ECPAS: variants seen among roughly 807,000 people sequenced by gnomAD.
ECPAS encodes the protein proteasome adapter and scaffold protein ECM29.
ECPAS carries 70 observed loss-of-function variants against 255.1 expected under a neutral mutation model. That is an observed-to-expected ratio of 0.27 (90% CI 0.23 to 0.33). The LOEUF (loss-of-function observed/expected upper bound fraction) is 0.33, where lower values mean the gene tolerates loss of function less well. Ranked by LOEUF, ECPAS falls within the 10% of genes least tolerant of loss-of-function variation. The pLI, the probability that ECPAS is intolerant of heterozygous loss-of-function variation, is 1.00. For missense variants in ECPAS, 1,817 were observed against 2,206.4 expected, an observed-to-expected ratio of 0.82 and a Z score of 3.54; for synonymous variants, 784 against 775.0, an observed-to-expected ratio of 1.01 and a Z score of -0.19.
intron 23 of ECPAS, 131 bp from the exon 24 acceptor site, chr9:111,408,803 G>C: frequency 2.0e-6 from 1 of 489,902 alleles, no homozygotes; most frequent in East Asian, 3.3e-5. Context: ...TTTTACAAAA[G>C]CATCAAATTT....
chr9:111,466,468 C>G (rs1447100229), intron 2 of ECPAS, among the ~76,000 whole-genome samples: 1 of 151,070 alleles, frequency 6.6e-6, no homozygotes, highest in Non-Finnish European at 1.5e-5. Context: ...AAAGAAAGAA[C>G]AAAAAGAACA....
intron 4 of ECPAS, among the ~76,000 whole-genome samples, chr9:111,442,885 C>T (rs1242347630): frequency 2.6e-5 from 4 of 152,194 alleles, no homozygotes; most frequent in Non-Finnish European, 5.9e-5. Context: ...TGGTTCCTCA[C>T]TCCAGTAACT....
intron 2 of ECPAS, among the ~76,000 whole-genome samples, chr9:111,471,101 T>C (rs887481831): frequency 6.6e-6 from 1 of 152,224 alleles, no homozygotes; most frequent in Non-Finnish European, 1.5e-5. Flanking sequence ...CTTAGAACAA[T>C]GCTCATATGG....
intron 3 of ECPAS, among the ~76,000 whole-genome samples, chr9:111,445,073 G>GC (rs1233817927): frequency 7.2e-6 from 1 of 138,042 alleles, no homozygotes; most frequent in East Asian, 2.3e-4. Flanking sequence ...TCAGCTCACC[G>GC]CAACTTCTGC....
At position 111,371,659 on chromosome 9, in the gene ECPAS, A is replaced by G. The variant is rs1022760773; in HGVS notation, c.4699T>C (p.Leu1567=). The G allele has an allele frequency of 6.2e-7, 1 of 1,613,870 alleles. No individual in the cohort carries two copies. Among genetic ancestry groups the G allele is most frequent in the African/African-American group, 1.3e-5 (1 of 75,024 alleles). Residue 1567 remains leucine (L), a synonymous_variant, in exon 43 of 50, where the codon TTG becomes CTG. Transcript: ENST00000684092. ...PPYLGMILTA[L]LQGLAGRTWA... is the part of the protein sequence containing the mutation. ...GTTCTTCCAGCCAGGCCTTGCAGCA[A>G]TGCGGTCAGTATCATTCCGAGATAT...
At chr9:111,481,635 G>A (rs1031691433) in intron 1 of ECPAS, among the ~76,000 whole-genome samples, 3 of 152,170 alleles carry the variant, frequency 2.0e-5, no homozygotes, top group Admixed American at 2.0e-4. Context: ...GTCTCAAAGG[G>A]GTATCTGTAC....
At chr9:111,423,175 C>G (rs368441443) in intron 13 of ECPAS, 24 bp downstream of exon 13, 1 of 1,512,336 alleles carries the variant, frequency 6.6e-7, no homozygotes, top group Non-Finnish European at 9.0e-7. Flanking sequence ...CACCATATCT[C>G]TCACTAAAAA....
chr9:111,433,701 C>T (rs1047945504), intron 7 of ECPAS, among the ~76,000 whole-genome samples: 1 of 152,196 alleles, frequency 6.6e-6, no homozygotes, highest in Non-Finnish European at 1.5e-5. Flanking sequence ...TTATGATACA[C>T]AGCCTCCCTA....
chr9:111,413,199 C>T (rs1564527709), intron 20 of ECPAS, among the ~76,000 whole-genome samples: 1 of 152,150 alleles, frequency 6.6e-6, no homozygotes, highest in Non-Finnish European at 1.5e-5. Context: ...AAAACATATA[C>T]TTCCTCAATA....
chr9:111,392,741 A>T, intron 28 of ECPAS, 27 bp downstream of exon 28: 1 of 1,477,012 alleles, frequency 6.8e-7, no homozygotes, highest in Non-Finnish European at 9.4e-7. Flanking sequence ...TATGGGCTTG[A>T]ATCTAAAATT....
In ECPAS at chr9:111,484,334, T is replaced by G; in HGVS notation, c.-301A>C. 6.2e-7 allele frequency: 1 copy of G among 1,604,740 alleles called. No homozygotes were observed. Reference sequence around the variant, plus strand: ...CGAGGTCTGCGGCTGTCACGTTGGCTGGGCCCGACCTGGGGAAACACGCCT... The same window carrying G: ...CGAGGTCTGCGGCTGTCACGTTGGCGGGGCCCGACCTGGGGAAACACGCCT... On this transcript the variant is annotated 5_prime_UTR_variant, in exon 1 of 50. Transcript: ENST00000684092.
chr9:111,425,796 T>G lies in ECPAS; in HGVS notation c.1083A>C (p.Thr361=). 1 of 1,586,878 alleles carries G rather than the reference T, an allele frequency of 6.3e-7. No homozygotes were observed. The highest frequency in any genetic ancestry group is 8.6e-7 in the Non-Finnish European group (1 of 1,158,530). Residue 361 remains threonine (T), a synonymous_variant, in exon 11 of 50, where the codon ACA becomes ACC. Coordinates refer to ENST00000684092, the MANE Select transcript of ECPAS (RefSeq NM_001364929.1). ...GGGATAATGTTCTTAACTTTGAATT[T>G]GTATTTGTACCAAAAAGTCCATCAT... ...VVYDGLFGTN[T]NSKLRTLSLQ...
rs181893532 is a variant in ECPAS, at chr9:111,440,419, C to A, written c.492G>T (p.Val164=). The part of the protein sequence containing the change: ...PFNLAEKPKT[V]QLLLDFMLDV... ...CTAGCATGAAGTCCAAAAGCAGCTG[C>A]ACAGTCTTTGGTTTCTCAGCAAGAT... The change falls in exon 6 of 50, where the codon GTG becomes GTT. Residue 164 remains valine, a synonymous_variant. Transcript: ENST00000684092. 5.7e-4 allele frequency: 921 copies of A among 1,613,420 alleles called. 3 individuals are homozygous for A. Among genetic ancestry groups the A allele is most frequent in the South Asian group, 2.1e-3 (187 of 91,016 alleles).
chr9:111,404,530 C>A (rs1171721731), intron 24 of ECPAS, among the ~76,000 whole-genome samples: 1 of 148,946 alleles, frequency 6.7e-6, no homozygotes, highest in Non-Finnish European at 1.5e-5. Flanking sequence ...GGACTTCCCC[C>A]TTACTGTTCT....
chr9:111,375,287 G>A (rs2098132121), intron 37 of ECPAS, 85 bp from the exon 38 acceptor site: 4 of 911,670 alleles, frequency 4.4e-6, no homozygotes, highest in East Asian at 2.5e-5. Flanking sequence ...CTTGTCAAAC[G>A]TGTACCAACT....
At chr9:111,469,234 T>G (rs1014293923) in intron 2 of ECPAS, among the ~76,000 whole-genome samples, 6 of 151,774 alleles carry the variant, frequency 4.0e-5, no homozygotes, top group African/African-American at 1.5e-4. Flanking sequence ...CGAGACTCTG[T>G]CTCCAAAAAA....
intron 34 of ECPAS, among the ~76,000 whole-genome samples, chr9:111,384,069 C>T (rs1420541732): frequency 6.6e-6 from 1 of 152,030 alleles, no homozygotes; most frequent in African/African-American, 2.4e-5. Flanking sequence ...TATTTAAAAC[C>T]TGGTTTTACT....
At position 111,484,078 on chromosome 9, in the gene ECPAS, AGGGCCAGTCCCCCGCGGCCCG is replaced by A; in HGVS notation, c.-83+17_-83+37del. 1 of 1,185,124 alleles carries A rather than the reference AGGGCCAGTCCCCCGCGGCCCG, an allele frequency of 8.4e-7. No homozygotes were observed. Among genetic ancestry groups the A allele is most frequent in the Non-Finnish European group, 1.0e-6 (1 of 959,246 alleles). The allele number at this position is 1,185,124 out of a possible 1,614,324, so 73.4% of individuals were successfully genotyped here. A position where few individuals can be genotyped will look rare whatever the true frequency, so the allele number is the denominator to read the frequency against. On this transcript the variant is annotated intron_variant, in intron 1 of 49. Coordinates refer to ENST00000684092, the MANE Select transcript of ECPAS (RefSeq NM_001364929.1). ...GGCCTAACCGCGCCGCCGCGCGCGC[AGGGCCAGTCCCCCGCGGCCCG>A]GGGGCGGGCCTCTGACCTGAGTCGG... is the stretch of plus-strand genomic sequence containing the variant.
At position 111,418,360 on chromosome 9, in the gene ECPAS, C is replaced by G. The variant is rs371852505; in HGVS notation, c.1560-354G>C. ...ACATATTTTAGAAGTCAGTGACTAT[C>G]CAGTGGTCTACACACTCCACCCAAA... On this transcript the variant is annotated intron_variant, in intron 16 of 49. Transcript: ENST00000684092. 1.4e-4 allele frequency among the ~76,000 whole-genome samples: 21 copies of G among 152,202 alleles called. 1 individual carries two copies. The South Asian group carries it at 3.9e-3, about 29-fold the overall frequency.
Sources: gnomAD v4.1 joint callset for allele counts (sites outside exome capture counted in the v4.1 genomes callset) on GRCh38, gnomAD v4.1.1 for gene constraint, MANE v1.5 for transcripts, NCBI Gene and HGNC (gene_info 2026-07-23, HGNC 2026-07-21) for gene names.